Variants in PRKCD observed in about 807,000 individuals in gnomAD.
PRKCD encodes the protein protein kinase C delta.
PRKCD carries 20 observed loss-of-function variants against 82.2 expected under a neutral mutation model. That is an observed-to-expected ratio of 0.24 (90% confidence interval 0.17 to 0.35). PRKCD has a LOEUF of 0.35. Among genes scored for constraint, PRKCD ranks in the 10% least tolerant of loss-of-function variants. The pLI is 1.00. For missense variants in PRKCD, 607 were observed against 899.0 expected (o/e 0.68, Z 4.15); for synonymous variants, 317 against 337.0 (o/e 0.94, Z 0.65).
intron 8 of PRKCD, 53 bp downstream of exon 8, chr3:53,183,259 G>A: frequency 6.3e-7 from 1 of 1,599,008 alleles, no homozygotes; most frequent in Admixed American, 1.7e-5. Context: ...GGCCAGATGG[G>A]AGGGATTTGC....
rs1030799051 is a variant in PRKCD at position 53,183,387 on chromosome 3, C to G, written c.658-65C>G. ...TGTTGTGCCCAGGGTTGGGGGAGAG[C>G]TAGGGGTTGAAGAAGAGGCTGGAGC... is the stretch of plus-strand genomic sequence containing the variant. On this transcript the variant is annotated intron_variant, in intron 8 of 18. Transcript: ENST00000330452. The G allele has an allele frequency of 3.1e-6, 5 of 1,603,268 alleles. No individual in the cohort carries two copies. In the African/African-American group the frequency reaches 5.3e-5, roughly 17 times the overall value.
At chr3:53,162,196 G>A (rs2107211204) in intron 1 of PRKCD, among the ~76,000 whole-genome samples, 2 of 142,422 alleles carry the variant, frequency 1.4e-5, no homozygotes, top group South Asian at 5.2e-4. Flanking sequence ...GCCCCTGCCC[G>A]ATACGGTCTG....
chr3:53,189,179 C>T lies in PRKCD; in HGVS notation c.1676C>T (p.Ser559Phe), dbSNP rs1703826406. Reference sequence around the variant, plus strand: ...GATGATGAGGATGAACTCTTCGAGTCCATCCGTGTGGACACGCCACATTAT... The same window carrying T: ...GATGATGAGGATGAACTCTTCGAGTTCATCCGTGTGGACACGCCACATTAT... ...HGDDEDELFE[S>F]IRVDTPHYPR... is the part of the protein sequence containing the mutation. The change falls in exon 17 of 19, where the codon TCC becomes TTC. Residue 559 changes from serine to phenylalanine, a missense_variant. Around this residue, in one of 5 missense-constraint regions of PRKCD, gnomAD observed 251 missense variants for 423.9 expected, o/e 0.59. Transcript: ENST00000330452. The T allele has an allele frequency of 1.2e-6, 2 of 1,614,070 alleles. No homozygotes were observed. The highest frequency in any genetic ancestry group is 1.3e-5 in the African/African-American group (1 of 74,936).
intron 12 of PRKCD, 30 bp downstream of exon 12, chr3:53,186,057 C>T (rs782367445): frequency 1.2e-6 from 2 of 1,613,020 alleles, no homozygotes; most frequent in Non-Finnish European, 1.7e-6. Flanking sequence ...CACCTGCTTC[C>T]CACCCCACCC....
intron 2 of PRKCD, among the ~76,000 whole-genome samples, chr3:53,170,958 T>TGTGA (rs1703003478): frequency 6.6e-6 from 1 of 151,830 alleles, no homozygotes; most frequent in Non-Finnish European, 1.5e-5. Flanking sequence ...TGTGTGTGTG[T>TGTGA]GTACGTGTGC....
At chr3:53,190,746 C>T (rs542771570) in intron 18 of PRKCD, among the ~76,000 whole-genome samples, 1 of 152,332 alleles carries the variant, frequency 6.6e-6, no homozygotes, top group Non-Finnish European at 1.5e-5. Flanking sequence ...CCCTCCTCCA[C>T]CAGGGCACAC....
At chr3:53,186,060 C>T (rs782126302) in intron 12 of PRKCD, 33 bp downstream of exon 12, 3 of 1,612,514 alleles carry the variant, frequency 1.9e-6, no homozygotes, top group East Asian at 4.5e-5. Flanking sequence ...CTGCTTCCCA[C>T]CCCACCCTGG....
At chr3:53,179,810 G>GTGTC (rs1553666948) in intron 4 of PRKCD, 34 bp downstream of exon 4, 9 of 1,549,566 alleles carry the variant, frequency 5.8e-6, no homozygotes, top group Non-Finnish European at 7.9e-6. Flanking sequence ...GTGTGTGTGT[G>GTGTC]TGTGTGTGTC....
intron 2 of PRKCD, among the ~76,000 whole-genome samples, chr3:53,174,096 T>G (rs921725646): frequency 6.6e-6 from 1 of 152,242 alleles, no homozygotes; most frequent in Non-Finnish European, 1.5e-5. Flanking sequence ...CTCTGAGCTT[T>G]AGTTTCTTCA....
At chr3:53,191,971 C>G in intron 18 of PRKCD, 137 bp from the exon 19 acceptor site, 1 of 830,858 alleles carries the variant, frequency 1.2e-6, no homozygotes, top group South Asian at 1.8e-5. Context: ...TCCTTTCAGG[C>G]TGCTAGGGGA....
At chr3:53,185,730 T>A in intron 11 of PRKCD, 30 bp downstream of exon 11, 1 of 1,604,718 alleles carries the variant, frequency 6.2e-7, no homozygotes, top group Non-Finnish European at 8.5e-7. Context: ...CCCATTACGG[T>A]TTTTATTCCC....
chr3:53,180,629 T>TTGGCCAGTCAGGCAGGGACACA (rs1553667209), intron 4 of PRKCD, among the ~76,000 whole-genome samples: 1 of 152,176 alleles, frequency 6.6e-6, no homozygotes, highest in Non-Finnish European at 1.5e-5. Flanking sequence ...GTACTGACCC[T>TTGGCCAGTCAGGCAGGGACACA]TGGCCAGTCA....
intron 13 of PRKCD, 118 bp downstream of exon 13, chr3:53,186,458 C>CT: frequency 7.7e-7 from 1 of 1,303,022 alleles, no homozygotes; most frequent in South Asian, 1.3e-5. Flanking sequence ...GCCATGCTTT[C>CT]CCCCCTCATG....
intron 2 of PRKCD, 36 bp from the exon 3 acceptor site, chr3:53,178,368 G>T (rs1417116515): frequency 2.0e-6 from 3 of 1,478,440 alleles, no homozygotes; most frequent in South Asian, 1.2e-5. Flanking sequence ...CGCTGGTCCC[G>T]CCCGGCCGCC....
At chr3:53,185,031 G>A in intron 10 of PRKCD, 57 bp downstream of exon 10, 1 of 1,489,808 alleles carries the variant, frequency 6.7e-7, no homozygotes, top group African/African-American at 1.4e-5. Context: ...GGACAGTCAA[G>A]GCTTACAGCC....
In PRKCD at chr3:53,178,546, G is replaced by A. The variant is rs782712864; in HGVS notation, c.115+9G>A. The A allele has an allele frequency of 3.1e-6, 5 of 1,609,976 alleles. No individual in the cohort carries two copies. Among genetic ancestry groups the A allele is most frequent in the Non-Finnish European group, 4.2e-6 (5 of 1,178,106 alleles). On this transcript the variant is annotated intron_variant, in intron 3 of 18. Coordinates refer to ENST00000330452, the MANE Select transcript of PRKCD (RefSeq NM_006254.4). ...GGAGGCGCTCAGCACAGGTAGGCCT[G>A]GAGGCTGGACCCTGGAGAGGGGCTG...
intron 18 of PRKCD, among the ~76,000 whole-genome samples, chr3:53,190,516 G>T (rs1703887797): frequency 6.6e-6 from 1 of 152,172 alleles, no homozygotes; most frequent in Non-Finnish European, 1.5e-5. Flanking sequence ...AGAGAAGAGG[G>T]TGGGTCTGAG....
chr3:53,183,710 G>C (rs1703558247), intron 9 of PRKCD, 129 bp downstream of exon 9: 2 of 1,336,768 alleles, frequency 1.5e-6, no homozygotes, highest in African/African-American at 1.5e-5. Context: ...GACCTGATGA[G>C]GGTGAGGCCT....
intron 9 of PRKCD, among the ~76,000 whole-genome samples, chr3:53,183,862 G>A (rs1285368102): frequency 6.6e-6 from 1 of 152,248 alleles, no homozygotes; most frequent in African/African-American, 2.4e-5. Context: ...TGGGCAGAGG[G>A]TGCTGAAGCC....
Sources: allele counts gnomAD v4.1 joint callset (sites outside exome capture counted in the v4.1 genomes callset), GRCh38; gene constraint gnomAD v4.1.1; regional missense constraint gnomAD v4.1.1; transcripts MANE v1.5; gene names NCBI Gene and HGNC (gene_info 2026-07-23, HGNC 2026-07-21).